The following CLNK variants were observed in gnomAD, a reference collection of about 807,000 sequenced individuals.
CLNK encodes cytokine-dependent hematopoietic cell linker.
In CLNK, 74 loss-of-function variants were observed where a neutral mutation model predicts 68.6. The ratio of observed to expected loss-of-function variants is 1.08; its 90% CI spans 0.89 to 1.31. CLNK has a LOEUF of 1.31. CLNK is among the 50% of genes most tolerant of loss of function. CLNK has a pLI of 0.00. For missense variants in CLNK, 553 were observed against 515.3 expected (o/e 1.07, Z -0.71); for synonymous variants, 198 against 172.2 (o/e 1.15, Z -1.17).
At chr4:10,731,622 A>T in the CLNK span, among the ~76,000 whole-genome samples, 1 of 152,224 alleles carries the variant, frequency 6.6e-6, no homozygotes, top group Non-Finnish European at 1.5e-5. Context: ...TGTTTCTAAC[A>T]ATTTGAGTTT....
At chr4:10,682,242 T>C (rs1410432841) in intron 1 of CLNK, among the ~76,000 whole-genome samples, 1 of 152,150 alleles carries the variant, frequency 6.6e-6, no homozygotes, top group Non-Finnish European at 1.5e-5. Flanking sequence ...TTAAAAATCA[T>C]AAATAGAATT....
At chr4:10,550,029 G>C (rs1217147483) in intron 8 of CLNK, among the ~76,000 whole-genome samples, 2 of 152,332 alleles carry the variant, frequency 1.3e-5, no homozygotes, top group Admixed American at 1.3e-4. Context: ...GTGAAACCAT[G>C]AAGACATTGT....
chr4:10,541,262 A>G (rs1229630948), intron 10 of CLNK, among the ~76,000 whole-genome samples: 1 of 151,716 alleles, frequency 6.6e-6, no homozygotes, highest in Non-Finnish European at 1.5e-5. Context: ...AAAATGTTTG[A>G]AAGTCAGTGA....
At chr4:10,699,513 T>TA in the CLNK span, among the ~76,000 whole-genome samples, 549 of 61,994 alleles carry the variant, frequency 8.9e-3, 14 homozygotes, top group East Asian at 0.077. Context: ...TATATATATA[T>TA]TTTTTTTTTT....
chr4:10,650,940 C>T (rs1723709119), intron 2 of CLNK, among the ~76,000 whole-genome samples: 1 of 152,018 alleles, frequency 6.6e-6, no homozygotes, highest in African/African-American at 2.4e-5. Flanking sequence ...GGTCAACAAA[C>T]ATGAAAAAAA....
At chr4:10,646,054 A>G (rs1184250814) in intron 2 of CLNK, among the ~76,000 whole-genome samples, 1 of 152,186 alleles carries the variant, frequency 6.6e-6, no homozygotes, top group African/African-American at 2.4e-5. Context: ...TATGAATGGA[A>G]GAAAGCCTGG....
the CLNK span, among the ~76,000 whole-genome samples, chr4:10,702,940 G>A: frequency 2.6e-5 from 4 of 152,116 alleles, no homozygotes; most frequent in Middle Eastern, 3.2e-3. Flanking sequence ...CCTTAGAAAC[G>A]GCCAAGGATG....
At chr4:10,557,979 C>T (rs16869828) in intron 8 of CLNK, among the ~76,000 whole-genome samples, 8,237 of 152,200 alleles carry the variant, frequency 0.054, 414 homozygotes, top group Admixed American at 0.16. Flanking sequence ...CTTTTAGGCT[C>T]GTACCTGTAT....
At chr4:10,601,944 T>C (rs184416028) in intron 2 of CLNK, among the ~76,000 whole-genome samples, 1 of 152,330 alleles carries the variant, frequency 6.6e-6, no homozygotes, top group Admixed American at 6.5e-5. Flanking sequence ...CATAGGCTTG[T>C]AGGGAAACTG....
chr4:10,726,216 G>C, the CLNK span, among the ~76,000 whole-genome samples: 1 of 152,156 alleles, frequency 6.6e-6, no homozygotes, highest in East Asian at 1.9e-4. Flanking sequence ...CTGCCTCTCG[G>C]GTTCAAGCGA....
chr4:10,539,602 A>G (rs1718936314), intron 11 of CLNK, among the ~76,000 whole-genome samples: 1 of 152,232 alleles, frequency 6.6e-6, no homozygotes, highest in East Asian at 1.9e-4. Flanking sequence ...CTCTTTTGGG[A>G]AAATGAAATA....
the CLNK span, among the ~76,000 whole-genome samples, chr4:10,720,971 C>CAAT: frequency 1.3e-5 from 2 of 152,070 alleles, no homozygotes; most frequent in Admixed American, 6.6e-5. Context: ...TGTATCATCA[C>CAAT]ATACTACTCA....
At chr4:10,609,735 G>A (rs1011410945) in intron 2 of CLNK, among the ~76,000 whole-genome samples, 7 of 152,220 alleles carry the variant, frequency 4.6e-5, no homozygotes, top group African/African-American at 1.7e-4. Flanking sequence ...AGTGGAGGGT[G>A]GCATTTGATT....
chr4:10,664,279 G>A (rs1023227222), intron 2 of CLNK, among the ~76,000 whole-genome samples: 3 of 152,146 alleles, frequency 2.0e-5, no homozygotes, highest in Non-Finnish European at 4.4e-5. Context: ...TTTGCTTTGG[G>A]GAAGGACACT....
At chr4:10,698,293 T>C in the CLNK span, among the ~76,000 whole-genome samples, 34 of 152,296 alleles carry the variant, frequency 2.2e-4, no homozygotes, top group South Asian at 8.3e-4. Context: ...TTAATACATT[T>C]ATAAACATGG....
At chr4:10,658,499 G>C (rs1056751570) in intron 2 of CLNK, among the ~76,000 whole-genome samples, 1 of 152,188 alleles carries the variant, frequency 6.6e-6, no homozygotes, top group East Asian at 1.9e-4. Flanking sequence ...CTCTGGTGCT[G>C]TTTCATTCAG....
intron 2 of CLNK, among the ~76,000 whole-genome samples, chr4:10,627,153 T>A (rs533778321): frequency 6.6e-6 from 1 of 152,292 alleles, no homozygotes; most frequent in South Asian, 2.1e-4. Context: ...AGAGAATGGG[T>A]TCATTTTACT....
chr4:10,571,846 G>C, intron 4 of CLNK, 68 bp from the exon 5 acceptor site: 1 of 1,253,644 alleles, frequency 8.0e-7, no homozygotes, highest in Non-Finnish European at 1.1e-6. Context: ...AAAAGACTGG[G>C]CCCTTGTTTT....
intron 2 of CLNK, among the ~76,000 whole-genome samples, chr4:10,616,790 GTATATATATATATATATA>G (rs58333228): frequency 7.8e-5 from 5 of 64,360 alleles, no homozygotes; most frequent in African/African-American, 1.3e-4. Flanking sequence ...GTGTGTGTGT[GTATATATATATATATATA>G]TATATATATA....
Sources: gnomAD v4.1 joint callset for allele counts (sites outside exome capture counted in the v4.1 genomes callset) on GRCh38, gnomAD v4.1.1 for gene constraint, MANE v1.5 for transcripts, NCBI Gene and HGNC (gene_info 2026-07-23, HGNC 2026-07-21) for gene names.